The following GIGYF2 variants were observed in gnomAD, a reference collection of about 807,000 sequenced individuals.
GIGYF2 encodes GRB10-interacting GYF protein 2.
Under a neutral mutation model 208.1 loss-of-function variants are expected in GIGYF2, and 25 were observed. The ratio of observed to expected loss-of-function variants is 0.12; its 90% confidence interval spans 0.09 to 0.17. GIGYF2 has a LOEUF of 0.17. Among genes scored for constraint, GIGYF2 ranks in the 10% least tolerant of loss-of-function variants. The pLI, the probability that GIGYF2 is intolerant of heterozygous loss-of-function variation, is 1.00. For synonymous variants in GIGYF2, 534 were observed against 543.8 expected, an observed-to-expected ratio of 0.98 and a Z score of 0.25; for missense variants, 1,302 against 1,579.4, an observed-to-expected ratio of 0.82 and a Z score of 2.98.
At chr2:232,761,280 A>G (rs1698732360) in intron 7 of GIGYF2, 116 bp from the exon 8 acceptor site, 1 of 706,218 alleles carries the variant, frequency 1.4e-6, no homozygotes, top group Non-Finnish European at 2.6e-6. Context: ...CTATGTATTT[A>G]TTTGTTTTGT....
At chr2:232,803,245 G>A (rs1305423574) in intron 14 of GIGYF2, among the ~76,000 whole-genome samples, 1 of 152,048 alleles carries the variant, frequency 6.6e-6, no homozygotes, top group East Asian at 1.9e-4. Flanking sequence ...ATGGATATGT[G>A]GTTTGTACAT....
intron 9 of GIGYF2, chr2:232,788,512 C>G (rs2106361620): frequency 2.1e-6 from 1 of 465,644 alleles, no homozygotes; most frequent in African/African-American, 2.0e-5. Flanking sequence ...GACTATGTTC[C>G]CAACAAGCAT....
chr2:232,714,794 T>C (rs1696602721), intron 2 of GIGYF2, among the ~76,000 whole-genome samples: 1 of 152,210 alleles, frequency 6.6e-6, no homozygotes. Flanking sequence ...TGGCATCTTT[T>C]TTTTTTTCCT....
intron 12 of GIGYF2, among the ~76,000 whole-genome samples, 155 bp from the exon 13 acceptor site, chr2:232,794,593 T>G (rs1186357938): frequency 6.6e-6 from 1 of 152,184 alleles, no homozygotes; most frequent in East Asian, 1.9e-4. Flanking sequence ...TAGGAAGGAA[T>G]ATTACGTTTC....
intron 26 of GIGYF2, 120 bp downstream of exon 26, chr2:232,846,006 G>C (rs985077932): frequency 5.6e-6 from 4 of 716,886 alleles, no homozygotes; most frequent in South Asian, 3.0e-5. Flanking sequence ...GTCAACTGCT[G>C]CACCTGCCAT....
intron 1 of GIGYF2, chr2:232,698,148 C>T (rs1375465941): frequency 6.6e-6 from 1 of 152,186 alleles, no homozygotes; most frequent in East Asian, 1.9e-4. Flanking sequence ...ATCAAGCGAA[C>T]AGGGAATGGG....
chr2:232,832,716 C>A lies in GIGYF2; in HGVS notation c.2530-141C>A, dbSNP rs1397848682. The A allele has an allele frequency of 4.6e-6, 3 of 657,668 alleles. No homozygotes were observed. The African/African-American group carries it at 5.5e-5, about 12-fold the overall frequency. The allele number at this position is 657,668 out of a possible 1,614,324, so 40.7% of individuals were successfully genotyped here. Reference sequence around the variant, plus strand: ...ATATATTTTAAAAGAAAGGTTACTTCTACCTTGCATCATCATGAACAGAGT... The same window carrying A: ...ATATATTTTAAAAGAAAGGTTACTTATACCTTGCATCATCATGAACAGAGT... On this transcript the variant is annotated intron_variant, in intron 21 of 28. Transcript: ENST00000373563.
At chr2:232,742,947 C>CA (rs1318355223) in intron 3 of GIGYF2, among the ~76,000 whole-genome samples, 1 of 152,194 alleles carries the variant, frequency 6.6e-6, no homozygotes, top group East Asian at 1.9e-4. Flanking sequence ...GGAGAGGTCA[C>CA]AGCTGGACTT....
intron 22 of GIGYF2, among the ~76,000 whole-genome samples, chr2:232,835,137 G>T (rs1221414097): frequency 6.6e-6 from 1 of 152,176 alleles, no homozygotes; most frequent in Admixed American, 6.5e-5. Context: ...ATAGCCTCCA[G>T]TTCCATCTGT....
chr2:232,787,235 C>T lies in GIGYF2; in HGVS notation c.618C>T (p.Ile206=), dbSNP rs780850762. The T allele has an allele frequency of 2.5e-6, 4 of 1,613,920 alleles. No homozygotes were observed. Among genetic ancestry groups the T allele is most frequent in the Non-Finnish European group, 3.4e-6 (4 of 1,179,920 alleles). ...GCTCAGAAAGTGAAAATTGGCGCATCTTTAGAGAGGAACAAAATGGAGAAG... is the reference window on the plus strand; with the variant it reads ...GCTCAGAAAGTGAAAATTGGCGCATTTTTAGAGAGGAACAAAATGGAGAAG... The part of the protein sequence containing the change: ...FIRSESENWR[I]FREEQNGEDE... The change falls in exon 9 of 29, where the codon ATC becomes ATT. Residue 206 remains isoleucine, a synonymous_variant. Coordinates refer to ENST00000373563, the MANE Select transcript of GIGYF2 (RefSeq NM_001103146.3).
chr2:232,755,039 A>T (rs2106320048), intron 5 of GIGYF2, among the ~76,000 whole-genome samples: 1 of 152,248 alleles, frequency 6.6e-6, no homozygotes, highest in African/African-American at 2.4e-5. Context: ...TAACGATTAG[A>T]TGTTGACTTC....
intron 21 of GIGYF2, among the ~76,000 whole-genome samples, chr2:232,821,325 G>C (rs113166238): frequency 0.15 from 22,410 of 152,034 alleles, 1,868 homozygotes; most frequent in South Asian, 0.31. Flanking sequence ...TCAGCCTCCC[G>C]AGTAGCTGGG....
intron 5 of GIGYF2, among the ~76,000 whole-genome samples, chr2:232,751,121 C>G (rs958234972): frequency 2.6e-5 from 4 of 152,192 alleles, no homozygotes; most frequent in African/African-American, 7.2e-5. Context: ...TCCACCATGC[C>G]TGGTCTGGCT....
chr2:232,840,525 CTCATTCAT>C (rs56108365), intron 23 of GIGYF2, among the ~76,000 whole-genome samples: 44,398 of 151,222 alleles, frequency 0.29, 6,961 homozygotes, highest in Non-Finnish European at 0.36. Context: ...CCATTCGGTG[CTCATTCAT>C]TCATTCATTC....
chr2:232,847,613 T>TA lies in GIGYF2; in HGVS notation c.3684+43dup, dbSNP rs3217558. 104,826 of 1,608,796 alleles carry TA rather than the reference T, an allele frequency of 0.065. 3,969 individuals are homozygous for TA. Among genetic ancestry groups the TA allele is most frequent in the East Asian group, 0.17 (7,755 of 44,852 alleles). On this transcript the variant is annotated intron_variant, in intron 27 of 28. Coordinates refer to ENST00000373563, the MANE Select transcript of GIGYF2 (RefSeq NM_001103146.3). ...TGTATGCGGTACCTCTGAGGATTAA[T>TA]ACCTTTAGATGTTGAGTAACCCAAG...
chr2:232,805,586 G>T (rs749761774), intron 14 of GIGYF2, among the ~76,000 whole-genome samples: 6 of 152,032 alleles, frequency 3.9e-5, no homozygotes, highest in South Asian at 2.1e-4. Context: ...TGACTTTCTT[G>T]TAGATAGCAT....
intron 14 of GIGYF2, among the ~76,000 whole-genome samples, chr2:232,803,136 C>T (rs1245435451): frequency 1.3e-5 from 2 of 152,202 alleles, no homozygotes; most frequent in Non-Finnish European, 1.5e-5. Flanking sequence ...GATAATCTGC[C>T]TGCCTTGGCC....
chr2:232,700,308 A>G (rs1284269171), intron 1 of GIGYF2, among the ~76,000 whole-genome samples: 1 of 152,122 alleles, frequency 6.6e-6, no homozygotes, highest in Non-Finnish European at 1.5e-5. Context: ...CTTTGATGTC[A>G]TATCAGCTCA....
chr2:232,773,271 A>G (rs181685080), intron 8 of GIGYF2, among the ~76,000 whole-genome samples: 1 of 152,312 alleles, frequency 6.6e-6, no homozygotes, highest in East Asian at 1.9e-4. Context: ...AAACAACAAA[A>G]TCTTCATAGG....
Sources: allele counts gnomAD v4.1 joint callset (sites outside exome capture counted in the v4.1 genomes callset), GRCh38; gene constraint gnomAD v4.1.1; transcripts MANE v1.5; gene names NCBI Gene and HGNC (gene_info 2026-07-23, HGNC 2026-07-21).